NARS2: variants seen among roughly 807,000 people sequenced by gnomAD.
NARS2 encodes asparaginyl-tRNA synthetase.
A neutral mutation model predicts 62.9 loss-of-function variants in NARS2; 60 were observed. The ratio of observed to expected loss-of-function variants is 0.95; its 90% CI spans 0.77 to 1.18. The LOEUF is 1.18. Ranked by LOEUF, NARS2 falls within the 50% of genes most tolerant of loss-of-function variation. The pLI is 0.00. For missense variants in NARS2, 619 were observed against 576.4 expected (o/e 1.07, Z -0.76); for synonymous variants, 196 against 200.0 (o/e 0.98, Z 0.17).
At chr11:78,515,657 A>G (rs1590802749) in intron 6 of NARS2, among the ~76,000 whole-genome samples, 1 of 151,746 alleles carries the variant, frequency 6.6e-6, no homozygotes, top group East Asian at 1.9e-4. Context: ...AGCTGGGACT[A>G]CAGGGGTGCA....
intron 5 of NARS2, among the ~76,000 whole-genome samples, chr11:78,545,668 T>C (rs1281911225): frequency 1.3e-5 from 2 of 151,792 alleles, no homozygotes; most frequent in African/African-American, 4.8e-5. Flanking sequence ...GGGATTGCAG[T>C]TGTGCATGCC....
At chr11:78,463,932 T>C (rs1414135602) in intron 11 of NARS2, among the ~76,000 whole-genome samples, 2 of 152,170 alleles carry the variant, frequency 1.3e-5, no homozygotes, top group African/African-American at 4.8e-5. Flanking sequence ...AAGCCAGCTT[T>C]TCCTTTGCCT....
chr11:78,476,621 G>A (rs184929839), intron 9 of NARS2, among the ~76,000 whole-genome samples: 8 of 152,284 alleles, frequency 5.3e-5, no homozygotes, highest in African/African-American at 1.9e-4. Flanking sequence ...TGTGGTGAAG[G>A]CTGGGACCCT....
intron 6 of NARS2, among the ~76,000 whole-genome samples, chr11:78,520,411 A>G (rs1008926671): frequency 6.6e-6 from 1 of 152,122 alleles, no homozygotes; most frequent in South Asian, 2.1e-4. Flanking sequence ...CCTTTCTCTT[A>G]TAAAAATACC....
chr11:78,541,598 T>C (rs1402309375), intron 5 of NARS2, among the ~76,000 whole-genome samples: 2 of 152,028 alleles, frequency 1.3e-5, no homozygotes, highest in Non-Finnish European at 2.9e-5. Flanking sequence ...TAATTCCAGC[T>C]ACTCGGGAGG....
chr11:78,566,047 T>G (rs1217303933), intron 4 of NARS2, 85 bp downstream of exon 4: 4 of 1,149,544 alleles, frequency 3.5e-6, no homozygotes, highest in Non-Finnish European at 4.9e-6. Context: ...ACAGACATGT[T>G]AACATCAGGA....
chr11:78,554,476 T>G (rs184160506), intron 5 of NARS2, among the ~76,000 whole-genome samples: 1 of 148,786 alleles, frequency 6.7e-6, no homozygotes, highest in East Asian at 1.9e-4. Context: ...CTCTTTCACC[T>G]CCCTGGTTAG....
chr11:78,441,913 T>C (rs368363067), intron 12 of NARS2, among the ~76,000 whole-genome samples: 18 of 152,196 alleles, frequency 1.2e-4, no homozygotes, highest in African/African-American at 3.4e-4. Context: ...TTAGTGGTAA[T>C]TGAAATTCAA....
At position 78,516,932 on chromosome 11, in the gene NARS2, G is replaced by C. The variant is rs190290717; in HGVS notation, c.689+11910C>G. ...ACAAAATAGGCACAAAGCAACATGG[G>C]CACACAGAAGGACATTTAAACAAGG... On this transcript the variant is annotated intron_variant, in intron 6 of 13. Transcript: ENST00000281038. Among the ~76,000 whole-genome samples, 380 of 152,236 alleles carry C rather than the reference G, an allele frequency of 2.5e-3. 1 individual carries two copies. Among genetic ancestry groups the C allele is most frequent in the African/African-American group, 8.3e-3 (346 of 41,550 alleles).
intron 9 of NARS2, among the ~76,000 whole-genome samples, chr11:78,472,683 C>CT (rs1183868197): frequency 1.3e-5 from 2 of 152,198 alleles, no homozygotes; most frequent in Non-Finnish European, 2.9e-5. Context: ...GATTCAATAA[C>CT]TAACAGTGCA....
chr11:78,519,815 C>T (rs890221740), intron 6 of NARS2, among the ~76,000 whole-genome samples: 41 of 152,056 alleles, frequency 2.7e-4, no homozygotes, highest in Non-Finnish European at 5.9e-5. Context: ...ATTCTCCTGC[C>T]TCAGCTTCCC....
intron 6 of NARS2, among the ~76,000 whole-genome samples, chr11:78,526,767 G>T (rs1215905898): frequency 6.6e-6 from 1 of 152,044 alleles, no homozygotes; most frequent in African/African-American, 2.4e-5. Context: ...ACAAACATTT[G>T]CTAAGTTTAT....
At chr11:78,498,995 C>A (rs1860179612) in intron 6 of NARS2, among the ~76,000 whole-genome samples, 1 of 130,124 alleles carries the variant, frequency 7.7e-6, no homozygotes, top group Admixed American at 9.0e-5. Context: ...CGGCTCACTG[C>A]AAGCTCCACT....
intron 13 of NARS2, among the ~76,000 whole-genome samples, chr11:78,439,884 G>A (rs1203874187): frequency 6.6e-6 from 1 of 152,110 alleles, no homozygotes; most frequent in Non-Finnish European, 1.5e-5. Context: ...GAAAAAGTCT[G>A]CATAAGGAAA....
intron 5 of NARS2, among the ~76,000 whole-genome samples, chr11:78,530,579 T>A (rs1861441529): frequency 6.6e-6 from 1 of 152,236 alleles, no homozygotes; most frequent in Admixed American, 6.5e-5. Flanking sequence ...GTTCAAGTGA[T>A]TCTCCTGCCT....
At chr11:78,441,673 T>C (rs1857580373) in intron 12 of NARS2, among the ~76,000 whole-genome samples, 1 of 150,442 alleles carries the variant, frequency 6.6e-6, no homozygotes, top group Admixed American at 6.6e-5. Flanking sequence ...ATCATGCCAC[T>C]GCACGCCAGT....
intron 5 of NARS2, among the ~76,000 whole-genome samples, chr11:78,543,040 C>T (rs568136305): frequency 2.0e-5 from 3 of 152,206 alleles, no homozygotes; most frequent in East Asian, 1.9e-4. Context: ...TAGCCAAGTA[C>T]GGTGGTGGGT....
chr11:78,568,598 T>C (rs1416242272), intron 3 of NARS2, 34 bp downstream of exon 3: 1 of 1,601,672 alleles, frequency 6.2e-7, no homozygotes, highest in South Asian at 1.1e-5. Context: ...AATTAAAGCC[T>C]AAACAGCCTC....
At chr11:78,526,903 T>C (rs1048787203) in intron 6 of NARS2, among the ~76,000 whole-genome samples, 4 of 152,146 alleles carry the variant, frequency 2.6e-5, no homozygotes, top group Non-Finnish European at 5.9e-5. Flanking sequence ...CCAAAAGCTG[T>C]AGCCTTAAAA....
Sources: gnomAD v4.1 joint callset for allele counts (sites outside exome capture counted in the v4.1 genomes callset) on GRCh38, gnomAD v4.1.1 for gene constraint, MANE v1.5 for transcripts, NCBI Gene and HGNC (gene_info 2026-07-23, HGNC 2026-07-21) for gene names.